Variants in ROBO2 observed in about 807,000 individuals in gnomAD.
ROBO2 encodes the protein roundabout guidance receptor 2, also known as roundabout homolog 2.
ROBO2 carries 53 observed loss-of-function variants against 160.8 expected under a neutral mutation model. The ratio of observed to expected loss-of-function variants is 0.33; its 90% CI spans 0.26 to 0.41. The LOEUF is 0.41. ROBO2 is among the 10% of genes least tolerant of loss of function. The probability of loss-of-function intolerance (pLI) is 1.00; values close to 1 mark genes in which losing one functional copy is unlikely to be tolerated. For missense variants in ROBO2, 1,577 were observed against 1,722.4 expected (o/e 0.92, Z 1.49); for synonymous variants, 664 against 611.7 (o/e 1.09, Z -1.26).
intron 2 of ROBO2, among the ~76,000 whole-genome samples, chr3:77,434,946 A>T (rs2153545823): frequency 6.6e-6 from 1 of 152,226 alleles, no homozygotes; most frequent in South Asian, 2.1e-4. Flanking sequence ...ATCAATTTTA[A>T]TATGCTTAGA....
At chr3:76,875,174 A>G (rs572924192) in intron 2 of ROBO2, among the ~76,000 whole-genome samples, 13 of 152,256 alleles carry the variant, frequency 8.5e-5, no homozygotes, top group African/African-American at 3.1e-4. Context: ...AGGATATAGC[A>G]TTCTCCACTT....
intron 2 of ROBO2, among the ~76,000 whole-genome samples, chr3:76,201,040 G>A (rs1443052258): frequency 1.6e-5 from 2 of 121,330 alleles, no homozygotes; most frequent in South Asian, 2.3e-4. Context: ...ATATTGAGCA[G>A]GCATTACTTT....
chr3:76,847,233 C>T (rs949482303), intron 2 of ROBO2, among the ~76,000 whole-genome samples: 1 of 152,064 alleles, frequency 6.6e-6, no homozygotes, highest in Non-Finnish European at 1.5e-5. Flanking sequence ...AATTTAAACA[C>T]TATTCATCAT....
chr3:77,249,600 G>T (rs989320640), intron 2 of ROBO2, among the ~76,000 whole-genome samples: 2 of 145,822 alleles, frequency 1.4e-5, no homozygotes, highest in African/African-American at 5.0e-5. Context: ...ATGAGATATT[G>T]ACTCAAATTT....
At chr3:77,574,681 G>A in exon 14 of ROBO2, 1 of 1,613,258 alleles carries the variant, frequency 6.2e-7, no homozygotes, top group Admixed American at 1.7e-5. Flanking sequence ...ATTTTAATGA[G>A]TTCCAAGGAA....
At chr3:76,699,773 C>G (rs1220211210) in intron 2 of ROBO2, among the ~76,000 whole-genome samples, 2 of 152,110 alleles carry the variant, frequency 1.3e-5, no homozygotes, top group East Asian at 3.9e-4. Context: ...ATGTGCTGCT[C>G]GTTCTCTGTA....
chr3:76,166,146 A>G (rs1412620063), intron 2 of ROBO2, among the ~76,000 whole-genome samples: 1 of 152,230 alleles, frequency 6.6e-6, no homozygotes, highest in Non-Finnish European at 1.5e-5. Context: ...ACACAATGTT[A>G]CCACAACCTT....
At chr3:76,956,386 T>C (rs2079260214) in intron 2 of ROBO2, among the ~76,000 whole-genome samples, 1 of 151,610 alleles carries the variant, frequency 6.6e-6, no homozygotes, top group Non-Finnish European at 1.5e-5. Context: ...TGAAACCCCG[T>C]CTCTACTAAA....
chr3:77,639,313 T>C (rs1022145060), intron 24 of ROBO2, among the ~76,000 whole-genome samples: 19 of 152,162 alleles, frequency 1.2e-4, no homozygotes, highest in African/African-American at 4.1e-4. Context: ...CCTGCCTTTT[T>C]ATATTTTAGT....
At chr3:76,762,287 C>T (rs142402601) in intron 2 of ROBO2, among the ~76,000 whole-genome samples, 21 of 151,338 alleles carry the variant, frequency 1.4e-4, no homozygotes, top group African/African-American at 4.1e-4. Flanking sequence ...TAATATTATA[C>T]GACTTAAAAA....
At chr3:76,343,487 T>G (rs1285488034) in intron 2 of ROBO2, among the ~76,000 whole-genome samples, 1 of 151,960 alleles carries the variant, frequency 6.6e-6, no homozygotes. Context: ...CATGAGAACT[T>G]ATCGAATATA....
At chr3:76,955,364 G>C (rs2079182904) in intron 2 of ROBO2, among the ~76,000 whole-genome samples, 1 of 151,964 alleles carries the variant, frequency 6.6e-6, no homozygotes, top group Non-Finnish European at 1.5e-5. Context: ...CAGTTCTTTT[G>C]GGTATATATC....
At chr3:77,291,995 A>T (rs2153392319) in intron 2 of ROBO2, among the ~76,000 whole-genome samples, 1 of 151,758 alleles carries the variant, frequency 6.6e-6, no homozygotes, top group East Asian at 1.9e-4. Context: ...TGATGGTTAA[A>T]CGGGTAAGCT....
chr3:76,086,261 TTA>T (rs1259198199), intron 2 of ROBO2, among the ~76,000 whole-genome samples: 1 of 152,084 alleles, frequency 6.6e-6, no homozygotes, highest in Admixed American at 6.6e-5. Context: ...GAAAAGCCCC[TTA>T]TAAAACCACC....
At chr3:76,944,805 T>G (rs1306469964) in intron 2 of ROBO2, among the ~76,000 whole-genome samples, 1 of 152,070 alleles carries the variant, frequency 6.6e-6, no homozygotes, top group Non-Finnish European at 1.5e-5. Flanking sequence ...TAAGGTAAGA[T>G]GGACAGATTA....
At chr3:76,297,230 A>G (rs540163730) in intron 2 of ROBO2, among the ~76,000 whole-genome samples, 12 of 152,324 alleles carry the variant, frequency 7.9e-5, no homozygotes, top group South Asian at 4.1e-4. Context: ...AAAGCTGCAA[A>G]CAACCACATA....
intron 2 of ROBO2, among the ~76,000 whole-genome samples, chr3:76,393,292 T>C (rs544045387): frequency 3.9e-5 from 6 of 152,294 alleles, no homozygotes; most frequent in South Asian, 4.1e-4. Flanking sequence ...AAGTCCCTCA[T>C]TGAACTATGG....
exon 9 of ROBO2, chr3:77,557,971 T>C (rs780742661): frequency 6.2e-7 from 1 of 1,613,072 alleles, no homozygotes. Flanking sequence ...CCACCTATAA[T>C]TCTACAAGGC....
chr3:77,310,249 T>A (rs1239116022), intron 2 of ROBO2, among the ~76,000 whole-genome samples: 1 of 152,190 alleles, frequency 6.6e-6, no homozygotes, highest in Non-Finnish European at 1.5e-5. Context: ...TGGTAAAATT[T>A]AGTCCCTATT....
Sources: allele counts gnomAD v4.1 joint callset (sites outside exome capture counted in the v4.1 genomes callset), GRCh38; gene constraint gnomAD v4.1.1; transcripts MANE v1.5; gene names NCBI Gene and HGNC (gene_info 2026-07-23, HGNC 2026-07-21).